Variants in KDM3A observed in about 807,000 individuals in gnomAD.
The protein encoded by KDM3A is lysine demethylase 3A.
A neutral mutation model predicts 158.0 loss-of-function variants in KDM3A; 60 were observed. The observed-to-expected ratio is 0.38, with a 90% CI of 0.31 to 0.47. The LOEUF is 0.47. Ranked by LOEUF, KDM3A falls within the 20% of genes least tolerant of loss-of-function variation. The probability of loss-of-function intolerance (pLI) is 0.99; values close to 1 mark genes in which losing one functional copy is unlikely to be tolerated. For missense variants in KDM3A, 1,319 were observed against 1,574.3 expected (o/e 0.84, Z 2.74); for synonymous variants, 608 against 549.3 (o/e 1.11, Z -1.49).
rs755641599 is a variant in KDM3A, at chr2:86,442,058, C to A, written c.11C>A (p.Thr4Lys). The change falls in exon 2 of 26, where the codon ACG (threonine) becomes AAG (lysine). Residue 4 changes from threonine (T) to lysine (K), a missense_variant. By Grantham distance (78) the Thr-to-Lys change is moderately conservative. Around this residue, in one of 4 missense-constraint regions of KDM3A, gnomAD observed 652 missense variants for 627.2 expected, o/e 1.04. Coordinates refer to ENST00000312912, the MANE Select transcript of KDM3A (RefSeq NM_018433.6). MVL[T>K]LGESWPVLVG... Reference sequence around the variant, plus strand: ...GCAGGCGTGGAAACCATGGTGCTCACGCTCGGAGAAAGTTGGCCGGTATTG... The same window carrying A: ...GCAGGCGTGGAAACCATGGTGCTCAAGCTCGGAGAAAGTTGGCCGGTATTG... 2.5e-6 allele frequency: 4 copies of A among 1,613,872 alleles called. No homozygotes were observed. The highest frequency in any genetic ancestry group is 1.7e-5 in the Admixed American group (1 of 60,022).
intron 18 of KDM3A, 47 bp downstream of exon 18, chr2:86,482,741 C>T (rs369455333): frequency 1.1e-5 from 18 of 1,588,090 alleles, no homozygotes; most frequent in Non-Finnish European, 1.5e-5. Flanking sequence ...ACCCCCTTCT[C>T]AGTTCCTTTA....
chr2:86,464,208 T>G lies in KDM3A; in HGVS notation c.999T>G (p.Ile333Met). 6.2e-7 allele frequency: 1 copy of G among 1,600,158 alleles called. No individual in the cohort carries two copies. The highest frequency in any genetic ancestry group is 8.5e-7 in the Non-Finnish European group (1 of 1,172,418). ...ANSPPNLGAKIPQGCHKQSLP... is the reference protein window; with the variant it reads ...ANSPPNLGAKMPQGCHKQSLP... ...CTCCACCTAACCTTGGAGCAAAAAT[T>G]CCTCAAGGGTGAGTAGTGATTTGTT... Residue 333 changes from isoleucine to methionine, a missense_variant, in exon 9 of 26, where the codon ATT becomes ATG. Coordinates refer to ENST00000312912, the MANE Select transcript of KDM3A (RefSeq NM_018433.6).
intron 4 of KDM3A, among the ~76,000 whole-genome samples, chr2:86,454,072 G>C (rs550150390): frequency 6.6e-6 from 1 of 152,196 alleles, no homozygotes; most frequent in African/African-American, 2.4e-5. Context: ...GAATGTTTCA[G>C]AACTGGCTTA....
chr2:86,463,305 T>G (rs1420455657), intron 8 of KDM3A, among the ~76,000 whole-genome samples: 1 of 152,216 alleles, frequency 6.6e-6, no homozygotes. Flanking sequence ...GTGAATTGGT[T>G]TCACCTGGTT....
chr2:86,486,526 A>C (rs995734956), intron 21 of KDM3A, among the ~76,000 whole-genome samples: 2 of 152,270 alleles, frequency 1.3e-5, no homozygotes, highest in Admixed American at 1.3e-4. Context: ...ATGCAGTTCT[A>C]GTTGTTTGAA....
intron 21 of KDM3A, chr2:86,488,425 G>A (rs957498618): frequency 2.6e-5 from 4 of 151,958 alleles, no homozygotes; most frequent in Non-Finnish European, 4.4e-5. Context: ...AATACCAAAC[G>A]CTTTACCTAC....
chr2:86,469,069 T>C (rs898826152), intron 10 of KDM3A, among the ~76,000 whole-genome samples: 1 of 152,184 alleles, frequency 6.6e-6, no homozygotes, highest in African/African-American at 2.4e-5. Context: ...TTCTCTCCTT[T>C]CTTACTTTAC....
chr2:86,455,436 A>G (rs538746377), intron 5 of KDM3A, among the ~76,000 whole-genome samples: 157 of 151,954 alleles, frequency 1.0e-3, no homozygotes, highest in Non-Finnish European at 1.7e-3. Context: ...TATTTTTAGT[A>G]GAGACAAGAT....
intron 13 of KDM3A, 33 bp downstream of exon 13, chr2:86,478,062 C>T (rs1421811962): frequency 3.7e-6 from 6 of 1,613,554 alleles, no homozygotes; most frequent in Non-Finnish European, 5.1e-6. Context: ...TCCAGCCCCT[C>T]TACACAGTTA....
At chr2:86,451,064 A>G (rs376727383) in intron 3 of KDM3A, 39 bp from the exon 4 acceptor site, 7 of 1,334,082 alleles carry the variant, frequency 5.2e-6, no homozygotes, top group Non-Finnish European at 7.3e-6. Context: ...AATTATGCTG[A>G]CAGCAGTTAT....
chr2:86,451,018 C>G (rs1206945462), intron 3 of KDM3A, 85 bp from the exon 4 acceptor site: 3 of 810,974 alleles, frequency 3.7e-6, no homozygotes, highest in Non-Finnish European at 5.8e-6. Flanking sequence ...TTATCACTTT[C>G]TCTGTGTGTG....
At position 86,480,262 on chromosome 2, in the gene KDM3A, C is replaced by T. The variant is rs1673856780; in HGVS notation, c.2412C>T (p.Ser804=). 6.2e-7 allele frequency: 1 copy of T among 1,613,656 alleles called. No individual in the cohort carries two copies. ...EPAAVGGEAA[S]KPAGSMKPAC... ...CAGCTGTGGGTGGGGAAGCAGCCTC[C>T]AAGCCAGCCGGCAGCATGAAGCCTG... Residue 804 remains serine (S), a synonymous_variant, in exon 16 of 26, where the codon TCC becomes TCT. Coordinates refer to ENST00000312912, the MANE Select transcript of KDM3A (RefSeq NM_018433.6).
At chr2:86,462,198 AG>A (rs934953646) in intron 8 of KDM3A, among the ~76,000 whole-genome samples, 2 of 146,264 alleles carry the variant, frequency 1.4e-5, no homozygotes, top group African/African-American at 5.2e-5. Flanking sequence ...AATTAGATGG[AG>A]GGTTTTTTTT....
chr2:86,491,232 G>A lies in KDM3A; in HGVS notation c.3842G>A (p.Arg1281Gln), dbSNP rs1401203577. 3.7e-6 allele frequency: 6 copies of A among 1,613,646 alleles called. No individual in the cohort carries two copies. The highest frequency in any genetic ancestry group is 5.1e-6 in the Non-Finnish European group (6 of 1,179,762). Reference sequence around the variant, plus strand: ...TGCTTCTGGCTTACTCAGGAATTCCGATATCTGTCACAGACTCATACCAAT... The same window carrying A: ...TGCTTCTGGCTTACTCAGGAATTCCAATATCTGTCACAGACTCATACCAAT... ...KHCFWLTQEF[R>Q]YLSQTHTNHE... Residue 1281 changes from arginine (R) to glutamine (Q), a missense_variant, in exon 25 of 26, where the codon CGA becomes CAA. By Grantham distance (43) the Arg-to-Gln change is conservative. Transcript: ENST00000312912.
At chr2:86,454,214 G>C (rs532071508) in intron 4 of KDM3A, among the ~76,000 whole-genome samples, 1 of 152,204 alleles carries the variant, frequency 6.6e-6, no homozygotes, top group East Asian at 1.9e-4. Flanking sequence ...AAAAACAGCA[G>C]TTTCTTACCA....
rs1441280145 is a variant in KDM3A at position 86,491,561 on chromosome 2, C to T, written c.3885+286C>T. 17 of 420,748 alleles carry T rather than the reference C, an allele frequency of 4.0e-5. No individual in the cohort carries two copies. The Admixed American group carries it at 6.3e-4, about 16-fold the overall frequency. 26.1% of individuals were successfully genotyped at this position (420,748 alleles called of 1,614,324 possible). ...AATAGATGTGACTTCTGATCTTGGCCCAGCTGCCTGTCGGGGTCTTGAACA... is the reference window on the plus strand; with the variant it reads ...AATAGATGTGACTTCTGATCTTGGCTCAGCTGCCTGTCGGGGTCTTGAACA... On this transcript the variant is annotated intron_variant, in intron 25 of 25. Coordinates refer to ENST00000312912, the MANE Select transcript of KDM3A (RefSeq NM_018433.6).
intron 21 of KDM3A, chr2:86,487,898 G>A (rs1266141577): frequency 8.2e-6 from 1 of 121,262 alleles, no homozygotes; most frequent in Admixed American, 7.9e-5. Flanking sequence ...TTCCTTGCTC[G>A]TTTTGCACTG....
At chr2:86,466,946 T>C in intron 10 of KDM3A, 63 bp downstream of exon 10, 1 of 1,278,352 alleles carries the variant, frequency 7.8e-7, no homozygotes, top group Non-Finnish European at 1.1e-6. Flanking sequence ...TATATCTCTT[T>C]CTTGTCCTAT....
chr2:86,441,843 G>A (rs1161394205), intron 1 of KDM3A, among the ~76,000 whole-genome samples, 175 bp from the exon 2 acceptor site: 2 of 150,052 alleles, frequency 1.3e-5, no homozygotes, highest in Admixed American at 6.6e-5. Flanking sequence ...GCCCGGGTGT[G>A]TGGCGGGGGA....
Sources: gnomAD v4.1 joint callset for allele counts (sites outside exome capture counted in the v4.1 genomes callset) on GRCh38, gnomAD v4.1.1 for gene constraint, gnomAD v4.1.1 regional missense constraint, MANE v1.5 for transcripts, NCBI Gene and HGNC (gene_info 2026-07-23, HGNC 2026-07-21) for gene names.